SOX5: variants seen among roughly 807,000 people sequenced by gnomAD.
SOX5 encodes the protein SRY-box transcription factor 5.
In SOX5, 9 loss-of-function variants were observed where a neutral mutation model predicts 92.0. That is an observed-to-expected ratio of 0.10 (90% confidence interval 0.06 to 0.17). SOX5 has a LOEUF of 0.17. SOX5 is among the 10% of genes least tolerant of loss of function. The pLI is 1.00. For missense variants in SOX5, 642 were observed against 944.5 expected (o/e 0.68, Z 4.20); for synonymous variants, 344 against 336.3 (o/e 1.02, Z -0.25).
chr12:23,921,546 G>A (rs1419586310), intron 1 of SOX5, among the ~76,000 whole-genome samples: 2 of 152,150 alleles, frequency 1.3e-5, no homozygotes, highest in Non-Finnish European at 2.9e-5. Flanking sequence ...GTCTGTCACA[G>A]CAGTTATTTT....
At chr12:24,427,500 G>A (rs955201320) in intron 1 of SOX5, among the ~76,000 whole-genome samples, 33 of 152,172 alleles carry the variant, frequency 2.2e-4, no homozygotes, top group Admixed American at 6.5e-5. Flanking sequence ...AAATTAGATG[G>A]CTGAATCCAT....
chr12:23,985,874 G>C (rs1340696454), intron 4 of SOX5, among the ~76,000 whole-genome samples: 1 of 151,948 alleles, frequency 6.6e-6, no homozygotes, highest in African/African-American at 2.4e-5. Context: ...TCATTTTCTT[G>C]CCTTTTCTAG....
intron 4 of SOX5, among the ~76,000 whole-genome samples, chr12:24,127,866 T>A (rs1874920): frequency 0.091 from 13,872 of 152,168 alleles, 685 homozygotes; most frequent in Non-Finnish European, 0.11. Flanking sequence ...TGTATATAGG[T>A]TGCACCCTAC....
intron 9 of SOX5, among the ~76,000 whole-genome samples, chr12:23,597,788 A>G (rs1952711124): frequency 6.6e-6 from 1 of 152,224 alleles, no homozygotes; most frequent in South Asian, 2.1e-4. Flanking sequence ...GGAGAGAAAG[A>G]GGTTTTCAAT....
At chr12:23,761,510 AAT>A (rs1336597874) in intron 3 of SOX5, among the ~76,000 whole-genome samples, 1 of 152,164 alleles carries the variant, frequency 6.6e-6, no homozygotes, top group Non-Finnish European at 1.5e-5. Flanking sequence ...CGATTTGGGT[AAT>A]AACTGGTTTA....
At chr12:23,708,164 T>C (rs1277250091) in intron 6 of SOX5, among the ~76,000 whole-genome samples, 1 of 150,036 alleles carries the variant, frequency 6.7e-6, no homozygotes, top group Non-Finnish European at 1.5e-5. Flanking sequence ...TTTTTTGTTC[T>C]AGGAAAATCT....
chr12:24,068,657 AT>A (rs897999037), intron 4 of SOX5, among the ~76,000 whole-genome samples: 3 of 137,276 alleles, frequency 2.2e-5, no homozygotes, highest in Non-Finnish European at 4.7e-5. Context: ...AGGTATCTTT[AT>A]TTTTAGAAAG....
chr12:23,714,630 G>A (rs1400230273), intron 6 of SOX5, among the ~76,000 whole-genome samples: 1 of 150,544 alleles, frequency 6.6e-6, no homozygotes, highest in Non-Finnish European at 1.5e-5. Context: ...CAAAAAACAA[G>A]CAAACAACAA....
chr12:24,210,507 G>C (rs1958489023), intron 4 of SOX5, among the ~76,000 whole-genome samples: 1 of 152,192 alleles, frequency 6.6e-6, no homozygotes, highest in Non-Finnish European at 1.5e-5. Context: ...CTTTCAAATA[G>C]GAGATAAAAT....
chr12:24,484,046 T>C (rs1370052512), intron 1 of SOX5, among the ~76,000 whole-genome samples: 1 of 152,232 alleles, frequency 6.6e-6, no homozygotes, highest in African/African-American at 2.4e-5. Context: ...TTGCAACGTT[T>C]ATATTATTGA....
chr12:23,765,245 AT>A (rs1181026496), intron 3 of SOX5, among the ~76,000 whole-genome samples: 2 of 151,886 alleles, frequency 1.3e-5, no homozygotes, highest in African/African-American at 4.8e-5. Context: ...TCTCAGAGCA[AT>A]TTTAGGTAAG....
chr12:23,644,939 A>T (rs2080632840), intron 7 of SOX5, among the ~76,000 whole-genome samples: 1 of 152,220 alleles, frequency 6.6e-6, no homozygotes, highest in South Asian at 2.1e-4. Flanking sequence ...GCAAAATTGT[A>T]GAGGCTGTGG....
At chr12:23,776,800 G>A (rs2095117939) in intron 3 of SOX5, among the ~76,000 whole-genome samples, 1 of 152,066 alleles carries the variant, frequency 6.6e-6, no homozygotes, top group African/African-American at 2.4e-5. Flanking sequence ...GACAGAAGGA[G>A]GAGCTCAGGC....
chr12:23,952,245 G>C (rs185073585), upstream of SOX5, among the ~76,000 whole-genome samples: 17 of 152,188 alleles, frequency 1.1e-4, no homozygotes, highest in East Asian at 2.9e-3. Context: ...AGCACAAGGA[G>C]ACATAGTGGC....
At chr12:24,006,756 G>A (rs986770534) in intron 4 of SOX5, among the ~76,000 whole-genome samples, 7 of 149,810 alleles carry the variant, frequency 4.7e-5, no homozygotes, top group Non-Finnish European at 5.9e-5. Context: ...TATAATGGCT[G>A]TTTTAAAAAA....
chr12:23,908,708 G>A (rs1468427392), intron 1 of SOX5, among the ~76,000 whole-genome samples: 2 of 151,728 alleles, frequency 1.3e-5, no homozygotes, highest in Non-Finnish European at 1.5e-5. Flanking sequence ...AAGTCCAAAA[G>A]TAAGGGTGCA....
intron 8 of SOX5, among the ~76,000 whole-genome samples, chr12:23,630,153 T>G (rs755321400): frequency 6.6e-6 from 1 of 152,000 alleles, no homozygotes; most frequent in Non-Finnish European, 1.5e-5. Flanking sequence ...AAAAATAATT[T>G]ATTTTAGACT....
At chr12:24,391,360 C>A (rs1480270316) in intron 1 of SOX5, among the ~76,000 whole-genome samples, 1 of 152,102 alleles carries the variant, frequency 6.6e-6, no homozygotes, top group Non-Finnish European at 1.5e-5. Context: ...ACTTCCTGAA[C>A]ACCAAATGAG....
At chr12:23,821,308 C>T (rs1329774073) in intron 3 of SOX5, among the ~76,000 whole-genome samples, 1 of 152,202 alleles carries the variant, frequency 6.6e-6, no homozygotes, top group East Asian at 1.9e-4. Flanking sequence ...TGCTCATCAG[C>T]TTAAGGAGTT....
Sources: allele counts gnomAD v4.1 joint callset (sites outside exome capture counted in the v4.1 genomes callset), GRCh38; gene constraint gnomAD v4.1.1; transcripts MANE v1.5; gene names NCBI Gene and HGNC (gene_info 2026-07-23, HGNC 2026-07-21).